The following PIK3CD variants were observed in gnomAD, a reference collection of about 807,000 sequenced individuals.
PIK3CD encodes phosphatidylinositol 4,5-bisphosphate 3-kinase catalytic subunit delta isoform.
In PIK3CD, 20 loss-of-function variants were observed where a neutral mutation model predicts 122.9. The ratio of observed to expected loss-of-function variants is 0.16; its 90% CI spans 0.11 to 0.24. PIK3CD has a LOEUF of 0.24. PIK3CD is among the 10% of genes least tolerant of loss of function. PIK3CD has a pLI of 1.00. For synonymous variants in PIK3CD, 596 were observed against 593.4 expected (o/e 1.00, Z -0.06); for missense variants, 787 against 1,406.3 (o/e 0.56, Z 7.04).
At chr1:9,705,778 C>T (rs1646808740) in intron 2 of PIK3CD, among the ~76,000 whole-genome samples, 1 of 152,134 alleles carries the variant, frequency 6.6e-6, no homozygotes, top group African/African-American at 2.4e-5. Context: ...TAATTTCATT[C>T]ACATCAAATT....
chr1:9,696,752 A>T (rs955197220), intron 2 of PIK3CD, among the ~76,000 whole-genome samples: 18 of 151,798 alleles, frequency 1.2e-4, no homozygotes, highest in Admixed American at 2.0e-4. Context: ...AGAAGAAAAA[A>T]ATAAGTTGAA....
the PIK3CD span, among the ~76,000 whole-genome samples, chr1:9,633,017 A>G: frequency 5.3e-5 from 8 of 151,904 alleles, no homozygotes; most frequent in Non-Finnish European, 1.0e-4. Flanking sequence ...GCCTGCAACC[A>G]CACCCGGCTA....
intron 6 of PIK3CD, 111 bp from the exon 7 acceptor site, chr1:9,716,848 C>T: frequency 6.8e-7 from 1 of 1,479,000 alleles, no homozygotes. Flanking sequence ...GCCCTCCCCT[C>T]TCCCAAGGCC....
At chr1:9,634,788 A>G in the PIK3CD span, among the ~76,000 whole-genome samples, 1 of 152,018 alleles carries the variant, frequency 6.6e-6, no homozygotes, top group African/African-American at 2.4e-5. Context: ...TTAACACCCC[A>G]CTTCTGACAC....
intron 2 of PIK3CD, among the ~76,000 whole-genome samples, chr1:9,695,858 GAAAA>G (rs1646396764): frequency 6.8e-6 from 1 of 146,036 alleles, no homozygotes; most frequent in Non-Finnish European, 1.5e-5. Context: ...AAAAAAAAAA[GAAAA>G]GAAAGAAAGA....
Position 9,710,350 on chromosome 1 carries a change from T to C in PIK3CD, c.-32-74T>C. ...CCTGCTGTCCAAGGACCCCACTGTT[T>C]TCCAGGGAGTCCCTTCCAAAGGTCT... On this transcript the variant is annotated intron_variant, in intron 2 of 23. Transcript: ENST00000377346. This position sits in a 1 kb window ranked among gnomAD's most constrained non-coding sequence, Gnocchi z 4.7. 8.1e-7 allele frequency: 1 copy of C among 1,238,736 alleles called. No individual in the cohort carries two copies. The highest frequency in any genetic ancestry group is 1.2e-6 in the Non-Finnish European group (1 of 843,634). The allele number at this position is 1,238,736 out of a possible 1,614,324, so 76.7% of individuals were successfully genotyped here.
chr1:9,723,239 A>C lies in PIK3CD; in HGVS notation c.2541A>C (p.Thr847=). 4 of 1,614,046 alleles carry C rather than the reference A, an allele frequency of 2.5e-6. No individual in the cohort carries two copies. Among genetic ancestry groups the C allele is most frequent in the Non-Finnish European group, 3.4e-6 (4 of 1,180,046 alleles). ...TCAACAAGAGCAACATGGCAGCCACAGCCGCCTTCAACAAGGATGCCCTGC... is the reference window on the plus strand; with the variant it reads ...TCAACAAGAGCAACATGGCAGCCACCGCCGCCTTCAACAAGGATGCCCTGC... ...IQLNKSNMAA[T]AAFNKDALLN... The change falls in exon 20 of 24, where the codon ACA becomes ACC. Residue 847 remains threonine (T), a synonymous_variant. Coordinates refer to ENST00000377346, the MANE Select transcript of PIK3CD (RefSeq NM_005026.5). The surrounding 1 kb of genome is among the most constrained non-coding windows in gnomAD (Gnocchi z 4.9).
chr1:9,695,874 A>G (rs114896005), intron 2 of PIK3CD, among the ~76,000 whole-genome samples: 1,928 of 151,776 alleles, frequency 0.013, 47 homozygotes, highest in African/African-American at 0.044. Context: ...AAAGAAAGAT[A>G]CTACAAGAAA....
chr1:9,694,972 AAGAGAG>A (rs113822530), intron 2 of PIK3CD, among the ~76,000 whole-genome samples: 18,854 of 150,786 alleles, frequency 0.13, 1,242 homozygotes, highest in South Asian at 0.2. Context: ...AAAAACAAAA[AAGAGAG>A]AGAGAGAGAG....
chr1:9,630,203 G>A, the PIK3CD span, among the ~76,000 whole-genome samples: 1 of 152,228 alleles, frequency 6.6e-6, no homozygotes, highest in Non-Finnish European at 1.5e-5. Context: ...TGATACCAGG[G>A]GCAGAGGGAC....
the PIK3CD span, among the ~76,000 whole-genome samples, chr1:9,643,495 G>GGGAA: frequency 2.8e-5 from 4 of 143,908 alleles, no homozygotes; most frequent in East Asian, 8.3e-4. Context: ...GAGGGAGGGA[G>GGGAA]GGAAGGAAGG....
At chr1:9,688,354 G>C (rs1006996903) in intron 1 of PIK3CD, 2 of 152,282 alleles carry the variant, frequency 1.3e-5, no homozygotes, top group Non-Finnish European at 2.9e-5. Flanking sequence ...ATTCTAAGGG[G>C]AGATGGGCTC....
upstream of PIK3CD, among the ~76,000 whole-genome samples, chr1:9,647,657 C>T (rs1466454335): frequency 6.6e-6 from 1 of 151,882 alleles, no homozygotes; most frequent in African/African-American, 2.4e-5. Context: ...CAGGCACATG[C>T]CACCATGCCT....
Position 9,727,037 on chromosome 1 carries a change from C to T in PIK3CD, c.3126C>T (p.Asn1042=). The T allele has an allele frequency of 6.2e-7, 1 of 1,614,130 alleles. No individual in the cohort carries two copies. The highest frequency in any genetic ancestry group is 8.5e-7 in the Non-Finnish European group (1 of 1,180,036). The change falls in exon 24 of 24, where the codon AAC becomes AAT. Residue 1042 remains asparagine, a synonymous_variant. Coordinates refer to ENST00000377346, the MANE Select transcript of PIK3CD (RefSeq NM_005026.5). ...TGGCCCACAACGTGTCCAAAGACAA[C>T]AGGCAGTAGTGGCTCCTCCCAGCCC... The part of the protein sequence containing the change: ...NWLAHNVSKD[N]RQ
Position 9,652,461 on chromosome 1 carries a change from C to T in PIK3CD, c.-138+659C>T, listed in dbSNP as rs1192101409. 3 of 152,236 alleles carry T rather than the reference C, an allele frequency of 2.0e-5. No homozygotes were observed. The highest frequency in any genetic ancestry group is 4.8e-5 in the African/African-American group (2 of 41,468). The allele number at this position is 152,236 out of a possible 1,614,324, so 9.4% of individuals were successfully genotyped here. The stretch of plus-strand genomic sequence containing the variant: ...CGCCCCGCCTCCCAGTCCCGGGCCT[C>T]CCGCGTTGCTCGCCGCGTTTGCTGC... On this transcript the variant is annotated intron_variant, in intron 1 of 23. Coordinates refer to ENST00000377346, the MANE Select transcript of PIK3CD (RefSeq NM_005026.5). The surrounding 1 kb of genome is among the most constrained non-coding windows in gnomAD (Gnocchi z 6.2).
chr1:9,717,259 TG>T lies in PIK3CD; in HGVS notation c.930+154del. ...AAGCCAACACAGCTGACCAGCGTCC[TG>T]GGCTGGGGGCCTGTGGGACTGCCGT... On this transcript the variant is annotated intron_variant, in intron 7 of 23. Transcript: ENST00000377346. This position sits in a 1 kb window ranked among gnomAD's most constrained non-coding sequence, Gnocchi z 5.4. 1 of 1,075,422 alleles carries T rather than the reference TG, an allele frequency of 9.3e-7. No homozygotes were observed. Among genetic ancestry groups the T allele is most frequent in the Non-Finnish European group, 1.4e-6 (1 of 724,464 alleles). 66.6% of individuals were successfully genotyped at this position (1,075,422 alleles called of 1,614,324 possible).
intron 1 of PIK3CD, among the ~76,000 whole-genome samples, chr1:9,685,697 C>A (rs1645940002): frequency 6.6e-6 from 1 of 152,198 alleles, no homozygotes; most frequent in Non-Finnish European, 1.5e-5. Flanking sequence ...GAGTATCTCA[C>A]TGTGTTGTCC....
chr1:9,675,019 T>TAAA (rs35270071), intron 1 of PIK3CD, among the ~76,000 whole-genome samples: 1 of 74,018 alleles, frequency 1.4e-5, no homozygotes, highest in Non-Finnish European at 3.0e-5. Context: ...CTGGGCAATG[T>TAAA]AAAAAAAAAA....
rs2100936200 is a variant in PIK3CD, at chr1:9,720,055, T to A, written c.1339+38T>A. 1 of 1,613,404 alleles carries A rather than the reference T, an allele frequency of 6.2e-7. No individual in the cohort carries two copies. Among genetic ancestry groups the A allele is most frequent in the Admixed American group, 1.7e-5 (1 of 60,022 alleles). On this transcript the variant is annotated intron_variant, in intron 10 of 23. Coordinates refer to ENST00000377346, the MANE Select transcript of PIK3CD (RefSeq NM_005026.5). This position sits in a 1 kb window ranked among gnomAD's most constrained non-coding sequence, Gnocchi z 9.0. ...CCAGGAGGGAGAGGCGTTGGGAGTG[T>A]GAGGGTCCCAGAGATGCTGGTCACC...
Sources: allele counts gnomAD v4.1 joint callset (sites outside exome capture counted in the v4.1 genomes callset), GRCh38; gene constraint gnomAD v4.1.1; non-coding constraint Gnocchi (gnomAD v3.1); transcripts MANE v1.5; gene names NCBI Gene and HGNC (gene_info 2026-07-23, HGNC 2026-07-21).